LHCGR: variants seen among roughly 807,000 people sequenced by gnomAD.
LHCGR encodes lutropin-choriogonadotropic hormone receptor.
Under a neutral mutation model 60.7 loss-of-function variants are expected in LHCGR, and 55 were observed. The ratio of observed to expected loss-of-function variants is 0.91; its 90% CI spans 0.73 to 1.13. The LOEUF (loss-of-function observed/expected upper bound fraction) is 1.13. LHCGR is among the 50% of genes most tolerant of loss of function. The pLI, the probability that LHCGR is intolerant of heterozygous loss-of-function variation, is 0.00. For synonymous variants in LHCGR, 337 were observed against 316.5 expected (o/e 1.06, Z -0.69); for missense variants, 862 against 836.0 (o/e 1.03, Z -0.38).
chr2:48,743,315 A>G (rs1306871690), intron 1 of LHCGR, among the ~76,000 whole-genome samples: 3 of 152,132 alleles, frequency 2.0e-5, no homozygotes, highest in Admixed American at 6.5e-5. Context: ...TCAATAGAAA[A>G]AGAGGGAATC....
intron 8 of LHCGR, among the ~76,000 whole-genome samples, chr2:48,699,977 T>A (rs1667327433): frequency 6.6e-6 from 1 of 152,200 alleles, no homozygotes; most frequent in African/African-American, 2.4e-5. Context: ...TTCCCAAGAC[T>A]TGGTGTTCAG....
chr2:48,742,537 C>T (rs2103692489), intron 1 of LHCGR, among the ~76,000 whole-genome samples: 1 of 151,988 alleles, frequency 6.6e-6, no homozygotes, highest in East Asian at 1.9e-4. Flanking sequence ...GATTAAGAAT[C>T]TCACTCAAAA....
intron 8 of LHCGR, among the ~76,000 whole-genome samples, chr2:48,705,114 A>G (rs1466671488): frequency 6.6e-6 from 1 of 152,218 alleles, no homozygotes; most frequent in South Asian, 2.1e-4. Flanking sequence ...GGTTTCAAAG[A>G]ACATTTTTAT....
chr2:48,695,987 T>G (rs188969948), intron 9 of LHCGR, among the ~76,000 whole-genome samples: 1 of 152,168 alleles, frequency 6.6e-6, no homozygotes, highest in African/African-American at 2.4e-5. Context: ...CTGGTACATG[T>G]ACCCCCTGTA....
chr2:48,724,288 G>C (rs962373445), intron 4 of LHCGR, among the ~76,000 whole-genome samples: 1 of 152,240 alleles, frequency 6.6e-6, no homozygotes, highest in African/African-American at 2.4e-5. Context: ...CTTTTATTTA[G>C]CCTCTGAAGA....
At chr2:48,743,054 A>G (rs1015970137) in intron 1 of LHCGR, among the ~76,000 whole-genome samples, 1 of 152,194 alleles carries the variant, frequency 6.6e-6, no homozygotes, top group African/African-American at 2.4e-5. Flanking sequence ...ATCAGAGAAT[A>G]CTACAAACAC....
Position 48,755,619 on chromosome 2 carries a change from T to TGCAGCA in LHCGR, c.47_52dup (p.Leu16_Leu17dup), listed in dbSNP as rs1553401008. The stretch of plus-strand genomic sequence containing the variant: ...GCGCAGCGCTCGTGGCAGCGGCGGC[T>TGCAGCA]GCAGCAGCAGCAGCAGCTTCAGCAG... On this transcript the variant is annotated inframe_insertion, in exon 1 of 11. Transcript: ENST00000294954. 3.1e-5 allele frequency: 47 copies of TGCAGCA among 1,531,190 alleles called. 1 individual carries two copies. The highest frequency in any genetic ancestry group is 2.3e-4 in the Middle Eastern group (1 of 4,370). The allele number at this position is 1,531,190 out of a possible 1,614,324, so 94.9% of individuals were successfully genotyped here. A position where few individuals can be genotyped will look rare whatever the true frequency, so the allele number is the denominator to read the frequency against.
intron 1 of LHCGR, among the ~76,000 whole-genome samples, chr2:48,736,676 G>C (rs1669218718): frequency 6.6e-6 from 1 of 152,094 alleles, no homozygotes; most frequent in South Asian, 2.1e-4. Context: ...GCTTCAGTCA[G>C]GTGGGCTCTA....
intron 7 of LHCGR, among the ~76,000 whole-genome samples, chr2:48,710,824 A>T (rs1257332342): frequency 6.6e-6 from 1 of 152,208 alleles, no homozygotes; most frequent in Non-Finnish European, 1.5e-5. Context: ...AACTTTGGAC[A>T]GGTCTATTTA....
chr2:48,737,701 A>G (rs1364889918), intron 1 of LHCGR, among the ~76,000 whole-genome samples: 1 of 152,244 alleles, frequency 6.6e-6, no homozygotes, highest in East Asian at 1.9e-4. Context: ...TGAAGTCAGT[A>G]TAGATGAACA....
intron 10 of LHCGR, 24 bp downstream of exon 10, chr2:48,694,200 G>C (rs368110339): frequency 1.5e-6 from 2 of 1,341,878 alleles, no homozygotes; most frequent in African/African-American, 1.4e-5. Flanking sequence ...CGACTTCTGA[G>C]TTTCCTTGCA....
At chr2:48,739,936 C>A (rs1669360953) in intron 1 of LHCGR, among the ~76,000 whole-genome samples, 1 of 152,226 alleles carries the variant, frequency 6.6e-6, no homozygotes, top group South Asian at 2.1e-4. Flanking sequence ...GTACCAGGTT[C>A]ATCTCACTAG....
chr2:48,734,734 G>T (rs1247926849), intron 1 of LHCGR, among the ~76,000 whole-genome samples: 1 of 152,198 alleles, frequency 6.6e-6, no homozygotes, highest in Non-Finnish European at 1.5e-5. Context: ...CCTAAGGCAA[G>T]GACAGTTCAG....
At chr2:48,728,492 A>G (rs1169635232) in intron 3 of LHCGR, among the ~76,000 whole-genome samples, 2 of 152,164 alleles carry the variant, frequency 1.3e-5, no homozygotes, top group African/African-American at 2.4e-5. Context: ...AGTCACATGC[A>G]TTGATTTCTA....
chr2:48,697,303 A>G (rs1350340153), intron 9 of LHCGR, among the ~76,000 whole-genome samples: 1 of 152,228 alleles, frequency 6.6e-6, no homozygotes, highest in African/African-American at 2.4e-5. Context: ...GCTGCCATTA[A>G]CAAACTCTTG....
chr2:48,692,879 T>G (rs894832521), intron 10 of LHCGR, among the ~76,000 whole-genome samples: 1 of 152,204 alleles, frequency 6.6e-6, no homozygotes. Flanking sequence ...GATTTTATGT[T>G]AATTTCAGTT....
chr2:48,751,596 G>T (rs1433922371), intron 1 of LHCGR, among the ~76,000 whole-genome samples: 2 of 152,156 alleles, frequency 1.3e-5, no homozygotes, highest in Non-Finnish European at 2.9e-5. Context: ...TACATTGTGG[G>T]CTTCTCAAAG....
intron 8 of LHCGR, among the ~76,000 whole-genome samples, chr2:48,705,718 C>A (rs181143669): frequency 1.4e-5 from 2 of 144,390 alleles, no homozygotes; most frequent in Non-Finnish European, 3.1e-5. Flanking sequence ...GCAATCCCTG[C>A]TTTTTTTTTT....
intron 3 of LHCGR, among the ~76,000 whole-genome samples, chr2:48,728,123 G>C (rs556681974): frequency 2.0e-5 from 3 of 151,362 alleles, no homozygotes; most frequent in Non-Finnish European, 4.4e-5. Context: ...GCTATTGTTA[G>C]TGTAAGTGTA....
Sources: gnomAD v4.1 joint callset for allele counts (sites outside exome capture counted in the v4.1 genomes callset) on GRCh38, gnomAD v4.1.1 for gene constraint, MANE v1.5 for transcripts, NCBI Gene and HGNC (gene_info 2026-07-23, HGNC 2026-07-21) for gene names.